The following ASIC2 variants were observed in gnomAD, a reference collection of about 807,000 sequenced individuals.
ASIC2 encodes acid-sensing ion channel 2.
Under a neutral mutation model 57.3 loss-of-function variants are expected in ASIC2, and 25 were observed. The ratio of observed to expected loss-of-function variants is 0.44; its 90% CI spans 0.32 to 0.61. The LOEUF is 0.61. Ranked by LOEUF, ASIC2 falls within the 20% of genes least tolerant of loss-of-function variation. The pLI is 0.06. For synonymous variants in ASIC2, 319 were observed against 307.5 expected, an observed-to-expected ratio of 1.04 and a Z score of -0.39; for missense variants, 641 against 738.1, an observed-to-expected ratio of 0.87 and a Z score of 1.52.
chr17:34,087,336 ATTCTT>A (rs1304808311), intron 1 of ASIC2, among the ~76,000 whole-genome samples: 56 of 152,064 alleles, frequency 3.7e-4, no homozygotes, highest in African/African-American at 1.3e-3. Context: ...TGGGTTGAAA[ATTCTT>A]TTCTTTAAGA....
rs549729452 is a variant in ASIC2 at position 33,850,354 on chromosome 17, C to CG, written c.555+305623dup. ...TATGTCCTGGACCAAAGTATCTCGT[C>CG]GCCACATATCCTATTTGCTATCATT... On this transcript the variant is annotated intron_variant, in intron 1 of 9. Coordinates refer to the ASIC2 transcript ENST00000359872. 1.4e-4 allele frequency among the ~76,000 whole-genome samples: 21 copies of CG among 152,308 alleles called. No homozygotes were observed. In the South Asian group the frequency reaches 4.1e-3, roughly 30 times the overall value.
At chr17:33,141,084 G>C (rs1447190638) in intron 1 of ASIC2, among the ~76,000 whole-genome samples, 1 of 152,204 alleles carries the variant, frequency 6.6e-6, no homozygotes, top group Non-Finnish European at 1.5e-5. Context: ...TGGACTAGGG[G>C]CTTTCCAAGG....
intron 1 of ASIC2, among the ~76,000 whole-genome samples, chr17:33,852,112 C>G (rs755793148): frequency 2.0e-5 from 3 of 152,246 alleles, no homozygotes; most frequent in Admixed American, 6.5e-5. Flanking sequence ...AGATGCTAGA[C>G]AGCCAGCAGG....
chr17:33,057,529 T>A (rs1458652960), intron 3 of ASIC2, among the ~76,000 whole-genome samples: 2 of 152,226 alleles, frequency 1.3e-5, no homozygotes, highest in Non-Finnish European at 2.9e-5. Context: ...CTGGATAACA[T>A]CTTTGCAGGG....
At chr17:33,616,703 A>G (rs1265779705) in intron 1 of ASIC2, among the ~76,000 whole-genome samples, 1 of 152,234 alleles carries the variant, frequency 6.6e-6, no homozygotes, top group Admixed American at 6.5e-5. Context: ...AAGCCTGGAA[A>G]CTGCATTTCC....
chr17:33,557,162 C>T (rs944526882), intron 1 of ASIC2, among the ~76,000 whole-genome samples: 1 of 152,066 alleles, frequency 6.6e-6, no homozygotes, highest in Non-Finnish European at 1.5e-5. Context: ...CCACCTTATT[C>T]AGTATAAGGT....
chr17:33,152,207 C>A (rs1245036789), intron 1 of ASIC2, among the ~76,000 whole-genome samples: 1 of 152,176 alleles, frequency 6.6e-6, no homozygotes, highest in African/African-American at 2.4e-5. Context: ...TGCACTTGCT[C>A]TTCCCACTGC....
intron 1 of ASIC2, among the ~76,000 whole-genome samples, chr17:33,735,315 G>A (rs1395624861): frequency 6.6e-6 from 1 of 152,132 alleles, no homozygotes; most frequent in African/African-American, 2.4e-5. Flanking sequence ...GCAGGTGCTT[G>A]GTGAGCCTTT....
rs527544723 is a variant in ASIC2, at chr17:34,125,793, A to G, written c.555+30185T>C. 5.9e-5 allele frequency among the ~76,000 whole-genome samples: 9 copies of G among 152,346 alleles called. No individual in the cohort carries two copies. The East Asian group carries it at 1.7e-3, about 29-fold the overall frequency. On this transcript the variant is annotated intron_variant, in intron 1 of 9. Transcript: ENST00000359872. ...TGCCTAGATGTCTCCACAATACCAC[A>G]GCCGCTAAGACATGGTTTGCGGGTG... is the stretch of plus-strand genomic sequence containing the variant.
At chr17:33,160,634 C>G (rs1314120439) in intron 1 of ASIC2, among the ~76,000 whole-genome samples, 1 of 151,110 alleles carries the variant, frequency 6.6e-6, no homozygotes, top group East Asian at 2.0e-4. Context: ...GCAGAGACTG[C>G]TATTTCTTTA....
intron 1 of ASIC2, among the ~76,000 whole-genome samples, chr17:33,563,036 A>T (rs529921211): frequency 6.6e-6 from 1 of 152,264 alleles, no homozygotes; most frequent in Non-Finnish European, 1.5e-5. Flanking sequence ...TGTTGCAGGG[A>T]GATTGCTCAA....
At chr17:33,183,041 C>G (rs967858266) in intron 1 of ASIC2, among the ~76,000 whole-genome samples, 8 of 152,102 alleles carry the variant, frequency 5.3e-5, no homozygotes, top group Non-Finnish European at 1.5e-5. Flanking sequence ...TTCATCTTCC[C>G]CATTTTACAG....
intron 1 of ASIC2, among the ~76,000 whole-genome samples, chr17:33,743,329 C>A (rs1160889875): frequency 6.6e-6 from 1 of 152,248 alleles, no homozygotes; most frequent in Non-Finnish European, 1.5e-5. Context: ...ATCTTCCACC[C>A]ACTACCCAGT....
At chr17:33,274,018 G>T (rs1427508945) in intron 1 of ASIC2, among the ~76,000 whole-genome samples, 1 of 152,178 alleles carries the variant, frequency 6.6e-6, no homozygotes, top group Non-Finnish European at 1.5e-5. Context: ...AAGAAACTGA[G>T]GTGCAGAAAT....
chr17:34,001,685 C>G (rs1260564627), intron 1 of ASIC2: 1 of 152,280 alleles, frequency 6.6e-6, no homozygotes. Flanking sequence ...CTTCTTCCCC[C>G]ACATAGAGGG....
intron 1 of ASIC2, among the ~76,000 whole-genome samples, chr17:34,074,782 C>CTTTTTTTTTTTT (rs35010578): frequency 3.8e-4 from 43 of 113,908 alleles, no homozygotes; most frequent in Non-Finnish European, 5.8e-4. Flanking sequence ...TTCTTTCTTT[C>CTTTTTTTTTTTT]TTTTTTTTTT....
rs570792786 is a variant in ASIC2, at chr17:33,981,932, G to A, written c.555+174046C>T. ...CTCACTTCCGTCTGATTCCAGGCCA[G>A]GCATCTTAACCACTACTATCAGGGA... On this transcript the variant is annotated intron_variant, in intron 1 of 9. Coordinates refer to the ASIC2 transcript ENST00000359872. Among the ~76,000 whole-genome samples the A allele has an allele frequency of 2.6e-5, 4 of 152,314 alleles. No homozygotes were observed. The East Asian group carries it at 5.8e-4, about 22-fold the overall frequency.
chr17:33,088,151 T>A (rs1375413034), intron 3 of ASIC2, among the ~76,000 whole-genome samples: 2 of 152,178 alleles, frequency 1.3e-5, no homozygotes, highest in Non-Finnish European at 2.9e-5. Flanking sequence ...GTCTCTCCAG[T>A]TTTTATTCTA....
intron 1 of ASIC2, among the ~76,000 whole-genome samples, chr17:33,499,555 A>T (rs1914040183): frequency 6.6e-6 from 1 of 152,192 alleles, no homozygotes; most frequent in Non-Finnish European, 1.5e-5. Context: ...GGAACTGCCA[A>T]CACCTTGATC....
Sources: allele counts gnomAD v4.1 joint callset (sites outside exome capture counted in the v4.1 genomes callset), GRCh38; gene constraint gnomAD v4.1.1; transcripts MANE v1.5; gene names NCBI Gene and HGNC (gene_info 2026-07-23, HGNC 2026-07-21).